The following RANBP10 variants were observed in gnomAD, a reference collection of about 807,000 sequenced individuals.
The protein encoded by RANBP10 is ran-binding protein 10.
In RANBP10, 24 loss-of-function variants were observed where a neutral mutation model predicts 72.8. The ratio of observed to expected loss-of-function variants is 0.33; its 90% CI spans 0.24 to 0.46. The LOEUF is 0.46. Among genes scored for constraint, RANBP10 ranks in the 20% least tolerant of loss-of-function variants. RANBP10 has a pLI of 1.00. For synonymous variants in RANBP10, 310 were observed against 322.3 expected (o/e 0.96, Z 0.41); for missense variants, 679 against 817.5 (o/e 0.83, Z 2.07).
chr16:67,789,883 G>C (rs1036038877), intron 2 of RANBP10, among the ~76,000 whole-genome samples: 1 of 151,814 alleles, frequency 6.6e-6, no homozygotes, highest in Non-Finnish European at 1.5e-5. Flanking sequence ...CGGATCACGA[G>C]GTCAGGAGTT....
At chr16:67,750,915 C>T (rs1040053676) in intron 3 of RANBP10, among the ~76,000 whole-genome samples, 39 of 152,116 alleles carry the variant, frequency 2.6e-4, no homozygotes, top group African/African-American at 9.4e-4. Context: ...TACAGGCACC[C>T]GCCACCACGC....
chr16:67,796,369 C>T (rs938547565), intron 2 of RANBP10, among the ~76,000 whole-genome samples: 3 of 152,064 alleles, frequency 2.0e-5, no homozygotes, highest in African/African-American at 7.2e-5. Flanking sequence ...CTCAGCAATC[C>T]AACCCCTCTG....
At chr16:67,758,549 C>T (rs2054333896) in intron 3 of RANBP10, among the ~76,000 whole-genome samples, 1 of 152,188 alleles carries the variant, frequency 6.6e-6, no homozygotes, top group South Asian at 2.1e-4. Flanking sequence ...GATACAGATC[C>T]TCTGCTGGCA....
intron 4 of RANBP10, chr16:67,739,176 G>T (rs577439414): frequency 6.6e-6 from 1 of 152,196 alleles, no homozygotes; most frequent in African/African-American, 2.4e-5. Flanking sequence ...ATGTTGGCCA[G>T]GCTGGTCTTG....
chr16:67,796,259 C>T (rs2055133406), intron 2 of RANBP10, among the ~76,000 whole-genome samples: 1 of 152,120 alleles, frequency 6.6e-6, no homozygotes, highest in African/African-American at 2.4e-5. Context: ...TGACAAACTA[C>T]TGGTGCAAGT....
chr16:67,767,706 C>A (rs1289191941), intron 3 of RANBP10, among the ~76,000 whole-genome samples: 1 of 152,056 alleles, frequency 6.6e-6, no homozygotes, highest in Non-Finnish European at 1.5e-5. Context: ...ACGCCATTCT[C>A]CTGCCTCAGC....
At chr16:67,788,894 G>A (rs1209482545) in intron 2 of RANBP10, among the ~76,000 whole-genome samples, 1 of 151,482 alleles carries the variant, frequency 6.6e-6, no homozygotes, top group Admixed American at 6.6e-5. Flanking sequence ...CAGCTACTTG[G>A]GAGGCTGAGG....
rs2054022089 is a variant in RANBP10, at chr16:67,744,105, C to G, written c.568+183G>C. ...GGGCTGGATAAACGCAGCTGACTGG[C>G]TGGATGAACAAAGGCGTGCCCCTGC... On this transcript the variant is annotated intron_variant, in intron 4 of 13. Coordinates refer to ENST00000317506, the MANE Select transcript of RANBP10 (RefSeq NM_020850.3). 3 of 985,324 alleles carry G rather than the reference C, an allele frequency of 3.0e-6. No homozygotes were observed. The African/African-American group carries it at 5.2e-5, about 17-fold the overall frequency. 61.0% of individuals were successfully genotyped at this position (985,324 alleles called of 1,614,324 possible).
intron 3 of RANBP10, among the ~76,000 whole-genome samples, chr16:67,763,006 G>A (rs2054428067): frequency 6.6e-6 from 1 of 152,232 alleles, no homozygotes; most frequent in Admixed American, 6.5e-5. Flanking sequence ...CAGTCCCAGG[G>A]CAAGAAGGAC....
rs772979479 is a variant in RANBP10, at chr16:67,744,448, G to T, written c.408C>A (p.Asp136Glu). The T allele has an allele frequency of 1.2e-6, 2 of 1,612,756 alleles. No homozygotes were observed. The highest frequency in any genetic ancestry group is 1.7e-6 in the Non-Finnish European group (2 of 1,179,136). The change falls in exon 4 of 14, where the codon GAC becomes GAA. Residue 136 changes from aspartate (D) to glutamate (E), a missense_variant. Transcript: ENST00000317506. ...CACCATGGTAACCATAGGAATGTTT[G>T]TCCCAACCTGTGGGGGAAGAGAGCA... ...GVNMNRLPGWDKHSYGYHGDD... is the reference protein window; with the variant it reads ...GVNMNRLPGWEKHSYGYHGDD...
At chr16:67,756,628 G>A (rs2054290287) in intron 3 of RANBP10, among the ~76,000 whole-genome samples, 5 of 152,082 alleles carry the variant, frequency 3.3e-5, no homozygotes, top group African/African-American at 4.8e-5. Context: ...GCTTGATGCC[G>A]GGAGGCAGAG....
intron 3 of RANBP10, among the ~76,000 whole-genome samples, chr16:67,750,073 T>C (rs1276170263): frequency 6.6e-6 from 1 of 152,186 alleles, no homozygotes; most frequent in African/African-American, 2.4e-5. Context: ...TAACCCTGTG[T>C]GTTTGGCACA....
At chr16:67,733,053 C>CAAAAAAAA in intron 6 of RANBP10, among the ~76,000 whole-genome samples, 1 of 43,788 alleles carries the variant, frequency 2.3e-5, no homozygotes, top group Non-Finnish European at 4.5e-5. Flanking sequence ...GACTCCATCT[C>CAAAAAAAA]AAAAAAAAAA....
intron 6 of RANBP10, among the ~76,000 whole-genome samples, chr16:67,733,849 C>T (rs187112309): frequency 3.9e-5 from 6 of 152,324 alleles, no homozygotes; most frequent in Admixed American, 2.6e-4. Context: ...TGTGCTGAGC[C>T]TAGGCCCTGA....
intron 6 of RANBP10, among the ~76,000 whole-genome samples, chr16:67,731,881 G>C (rs1397105925): frequency 6.6e-6 from 1 of 152,200 alleles, no homozygotes; most frequent in Non-Finnish European, 1.5e-5. Context: ...TATGATAACA[G>C]AAGTACACAC....
intron 3 of RANBP10, among the ~76,000 whole-genome samples, chr16:67,770,601 T>C (rs1567699860): frequency 6.6e-6 from 1 of 152,170 alleles, no homozygotes; most frequent in Non-Finnish European, 1.5e-5. Flanking sequence ...CCATGACGTG[T>C]CAGGGAAGCC....
At chr16:67,747,242 T>C (rs890845313) in intron 3 of RANBP10, among the ~76,000 whole-genome samples, 18 of 152,220 alleles carry the variant, frequency 1.2e-4, no homozygotes, top group Non-Finnish European at 2.4e-4. Context: ...ATGGTTTTAA[T>C]ATCATTGTGG....
rs570994866 is a variant in RANBP10, at chr16:67,750,272, G to A, written c.401-5817C>T. Among the ~76,000 whole-genome samples the A allele has an allele frequency of 3.3e-5, 5 of 152,326 alleles. No individual in the cohort carries two copies. In the South Asian group the frequency reaches 1.0e-3, roughly 32 times the overall value. ...TAGTCTTTCAGGAAGGCTGCTTGCT[G>A]CTCCTCCAGGTCCTCTTAGAACTAT... is the stretch of plus-strand genomic sequence containing the variant. On this transcript the variant is annotated intron_variant, in intron 3 of 13. Transcript: ENST00000317506.
chr16:67,780,029 C>T (rs1019711834), intron 2 of RANBP10, among the ~76,000 whole-genome samples: 2 of 152,034 alleles, frequency 1.3e-5, no homozygotes, highest in African/African-American at 2.4e-5. Context: ...GTCAAGAGAT[C>T]CAGACTATCC....
Sources: allele counts gnomAD v4.1 joint callset (sites outside exome capture counted in the v4.1 genomes callset), GRCh38; gene constraint gnomAD v4.1.1; transcripts MANE v1.5; gene names NCBI Gene and HGNC (gene_info 2026-07-23, HGNC 2026-07-21).